The following ZFP14 variants were observed in gnomAD, a reference collection of about 807,000 sequenced individuals.
The protein encoded by ZFP14 is ZFP14 zinc finger protein.
Under a neutral mutation model 54.5 loss-of-function variants are expected in ZFP14, and 22 were observed. That is an observed-to-expected ratio of 0.40 (90% CI 0.29 to 0.58). The LOEUF (loss-of-function observed/expected upper bound fraction) is 0.58, where lower values mean the gene tolerates loss of function less well. ZFP14 is among the 20% of genes least tolerant of loss of function. The pLI is 0.39. For missense variants in ZFP14, 470 were observed against 637.8 expected, an observed-to-expected ratio of 0.74 and a Z score of 2.83; for synonymous variants, 159 against 204.0, an observed-to-expected ratio of 0.78 and a Z score of 1.88.
At chr19:36,373,898 T>A (rs1600086769) in intron 1 of ZFP14, among the ~76,000 whole-genome samples, 5 of 47,212 alleles carry the variant, frequency 1.1e-4, no homozygotes, top group Middle Eastern at 0.016. Context: ...GGCAACAGAG[T>A]AAGACCCCAT....
At chr19:36,342,316 G>A (rs2031335585) in intron 4 of ZFP14, among the ~76,000 whole-genome samples, 3 of 151,240 alleles carry the variant, frequency 2.0e-5, no homozygotes, top group African/African-American at 7.3e-5. Flanking sequence ...TAGTAGCTGG[G>A]ATTACAGGCA....
At position 36,352,098 on chromosome 19, in the gene ZFP14, G is replaced by A. The variant is rs574601437; in HGVS notation, c.235+8337C>T. On this transcript the variant is annotated intron_variant, in intron 4 of 4. Transcript: ENST00000270001. ...ACTCGGGAGGCTGAGGCAGGAGAAC[G>A]GCGTGAACTCGGGAGGCAGAGCTTG... Among the ~76,000 whole-genome samples the A allele has an allele frequency of 7.8e-5, 11 of 140,396 alleles. 3 individuals carry two copies. Among genetic ancestry groups the A allele is most frequent in the African/African-American group, 2.6e-4 (10 of 38,264 alleles). 92.1% of individuals were successfully genotyped at this position (140,396 alleles called of 152,430 possible). A position where few individuals can be genotyped will look rare whatever the true frequency, so the allele number is the denominator to read the frequency against.
intron 4 of ZFP14, among the ~76,000 whole-genome samples, chr19:36,357,292 C>G (rs978056942): frequency 6.6e-6 from 1 of 152,212 alleles, no homozygotes; most frequent in Admixed American, 6.5e-5. Context: ...ATCTGCCCGC[C>G]TTGGCCTCCC....
At chr19:36,359,392 G>A (rs541830529) in intron 4 of ZFP14, among the ~76,000 whole-genome samples, 1 of 152,190 alleles carries the variant, frequency 6.6e-6, no homozygotes, top group East Asian at 1.9e-4. Flanking sequence ...CTTTTCTGAA[G>A]GAGTTTGTAT....
chr19:36,357,395 T>G (rs1299973902), intron 4 of ZFP14, among the ~76,000 whole-genome samples: 4 of 152,190 alleles, frequency 2.6e-5, no homozygotes, highest in Non-Finnish European at 4.4e-5. Flanking sequence ...CTTTGCCTAC[T>G]CCCAAGTCAT....
chr19:36,352,485 C>T (rs558482971), intron 4 of ZFP14, among the ~76,000 whole-genome samples: 1 of 142,742 alleles, frequency 7.0e-6, no homozygotes, highest in Admixed American at 7.2e-5. Flanking sequence ...AATGTAGATG[C>T]ATAAAATACA....
At chr19:36,355,720 C>T (rs1222270138) in intron 4 of ZFP14, among the ~76,000 whole-genome samples, 1 of 140,732 alleles carries the variant, frequency 7.1e-6, no homozygotes, top group Non-Finnish European at 1.6e-5. Context: ...AGAGAGTGAC[C>T]TCTTTCTCTC....
intron 4 of ZFP14, among the ~76,000 whole-genome samples, chr19:36,351,984 C>T (rs2031534098): frequency 7.0e-6 from 1 of 142,834 alleles, no homozygotes; most frequent in South Asian, 2.2e-4. Context: ...GATATCGAGA[C>T]CATCCTGGCT....
At chr19:36,362,501 A>C (rs1302712083) in intron 2 of ZFP14, among the ~76,000 whole-genome samples, 3 of 152,128 alleles carry the variant, frequency 2.0e-5, no homozygotes, top group Non-Finnish European at 2.9e-5. Flanking sequence ...TACATAACCC[A>C]AAAAAATCCT....
chr19:36,360,619 T>C (rs1289204960), intron 3 of ZFP14, 86 bp from the exon 4 acceptor site: 1 of 1,200,224 alleles, frequency 8.3e-7, no homozygotes, highest in South Asian at 1.6e-5. Flanking sequence ...TAACTACAGA[T>C]CAATATGGCA....
At chr19:36,348,022 C>T (rs2031450535) in intron 4 of ZFP14, among the ~76,000 whole-genome samples, 1 of 152,090 alleles carries the variant, frequency 6.6e-6, no homozygotes, top group South Asian at 2.1e-4. Context: ...CATGCCACTG[C>T]ACTCCAGCCT....
rs759779334 is a variant in ZFP14, at chr19:36,362,112, C to T, written c.136G>A (p.Gly46Arg). Residue 46 changes from glycine to arginine, a missense_variant and splice_region_variant, in exon 3 of 5, where the codon GGA becomes AGA. Physicochemically the swap from Gly to Arg is moderately radical, Grantham distance 125. Coordinates refer to ENST00000270001, the MANE Select transcript of ZFP14 (RefSeq NM_020917.3). ...TATCATTTGGGATAAATAACCTTAC[C>T]TAGTGAAATGAAGTTGCTGTAGTTC... ...WENYSNFISL[G>R]PSISKPDVIT... 18 of 1,597,848 alleles carry T rather than the reference C, an allele frequency of 1.1e-5. No individual in the cohort carries two copies. Among genetic ancestry groups the T allele is most frequent in the Non-Finnish European group, 1.5e-5 (18 of 1,174,524 alleles).
rs1490572208 is a variant in ZFP14 at position 36,341,865 on chromosome 19, C to A, written c.236-275G>T. Among the ~76,000 whole-genome samples, 1 of 146,094 alleles carries A rather than the reference C, an allele frequency of 6.8e-6. No individual in the cohort carries two copies. Among genetic ancestry groups the A allele is most frequent in the Non-Finnish European group, 1.5e-5 (1 of 66,252 alleles). ...CAGGACCACTTAATTTTTTTTTTTT[C>A]TTTGGAGATGGAGTCTCGCTCTGTT... On this transcript the variant is annotated intron_variant, in intron 4 of 4. Transcript: ENST00000270001. The surrounding 1 kb of genome is among the most constrained non-coding windows in gnomAD (Gnocchi z 4.2).
At chr19:36,362,910 T>C (rs561316862) in intron 2 of ZFP14, 20 of 224,532 alleles carry the variant, frequency 8.9e-5, no homozygotes, top group African/African-American at 3.8e-4. Context: ...ACCAATTCTT[T>C]AGTAAACTTT....
At chr19:36,374,783 C>T (rs965201718) in intron 1 of ZFP14, among the ~76,000 whole-genome samples, 1 of 152,118 alleles carries the variant, frequency 6.6e-6, no homozygotes, top group East Asian at 1.9e-4. Context: ...AAAATGTTTA[C>T]AGTCACAGCC....
chr19:36,349,237 AAAAAACAAAAAAAAAAAAAC>A lies in ZFP14; in HGVS notation c.236-7667_236-7648del, dbSNP rs1213553935. ...TAAGAGGGGAACTCTGTCTCAAAAA[AAAAAACAAAAAAAAAAAAAC>A]AAAAAAAAAAAAACAGGAAGAACAT... On this transcript the variant is annotated intron_variant, in intron 4 of 4. Transcript: ENST00000270001. 2.4e-4 allele frequency among the ~76,000 whole-genome samples: 11 copies of A among 45,174 alleles called. 1 individual carries two copies. The highest frequency in any genetic ancestry group is 4.1e-4 in the Non-Finnish European group (10 of 24,330). The allele number at this position is 45,174 out of a possible 152,430, so 29.6% of individuals were successfully genotyped here.
intron 1 of ZFP14, among the ~76,000 whole-genome samples, chr19:36,370,773 G>A (rs1379647170): frequency 6.6e-6 from 1 of 152,226 alleles, no homozygotes; most frequent in East Asian, 1.9e-4. Flanking sequence ...CACTGCATGG[G>A]CTATTGATGG....
intron 4 of ZFP14, among the ~76,000 whole-genome samples, chr19:36,356,895 T>C (rs187223817): frequency 3.9e-5 from 6 of 152,216 alleles, no homozygotes; most frequent in Non-Finnish European, 8.8e-5. Flanking sequence ...CATTTAGCAC[T>C]GAGCTGTGTA....
intron 2 of ZFP14, among the ~76,000 whole-genome samples, chr19:36,366,178 G>C (rs980624139): frequency 1.3e-5 from 2 of 151,872 alleles, no homozygotes; most frequent in Non-Finnish European, 2.9e-5. Flanking sequence ...TGAGGCAGGA[G>C]AATCGCTTGA....
Sources: gnomAD v4.1 joint callset for allele counts (sites outside exome capture counted in the v4.1 genomes callset) on GRCh38, gnomAD v4.1.1 for gene constraint, Gnocchi (gnomAD v3.1) non-coding constraint, MANE v1.5 for transcripts, NCBI Gene and HGNC (gene_info 2026-07-23, HGNC 2026-07-21) for gene names.